The following UBXN2B variants were observed in gnomAD, a reference collection of about 807,000 sequenced individuals.
UBXN2B encodes the protein UBX domain protein 2B.
Under a neutral mutation model 37.5 loss-of-function variants are expected in UBXN2B, and 19 were observed. The ratio of observed to expected loss-of-function variants is 0.51; its 90% confidence interval spans 0.35 to 0.74. UBXN2B has a LOEUF of 0.74. Ranked by LOEUF, UBXN2B falls within the 30% of genes least tolerant of loss-of-function variation. The probability of loss-of-function intolerance (pLI) is 0.01; values close to 1 mark genes in which losing one functional copy is unlikely to be tolerated. For missense variants in UBXN2B, 370 were observed against 393.2 expected (o/e 0.94, Z 0.50); for synonymous variants, 145 against 143.8 (o/e 1.01, Z -0.06).
chr8:58,443,149 C>G (rs1808590349), intron 6 of UBXN2B, among the ~76,000 whole-genome samples: 1 of 152,174 alleles, frequency 6.6e-6, no homozygotes, highest in African/African-American at 2.4e-5. Context: ...CGACCCCTGC[C>G]CCTCACTCTC....
chr8:58,440,978 C>G (rs1374723121), intron 6 of UBXN2B, among the ~76,000 whole-genome samples: 1 of 150,870 alleles, frequency 6.6e-6, no homozygotes, highest in East Asian at 1.9e-4. Flanking sequence ...CTTTACACGT[C>G]AGGCTTCTCT....
intron 6 of UBXN2B, 89 bp from the exon 7 acceptor site, chr8:58,445,816 CAA>C (rs1348449279): frequency 8.6e-7 from 1 of 1,156,722 alleles, no homozygotes; most frequent in Non-Finnish European, 1.2e-6. Flanking sequence ...ATAGGAGACT[CAA>C]ATGAAGCCAT....
At chr8:58,443,978 G>A (rs1233460125) in intron 6 of UBXN2B, among the ~76,000 whole-genome samples, 1 of 152,132 alleles carries the variant, frequency 6.6e-6, no homozygotes, top group Non-Finnish European at 1.5e-5. Context: ...CCTAAATTAT[G>A]TTGGAAGTCC....
intron 2 of UBXN2B, among the ~76,000 whole-genome samples, chr8:58,417,589 G>A (rs1161612407): frequency 6.6e-6 from 1 of 152,172 alleles, no homozygotes; most frequent in Non-Finnish European, 1.5e-5. Flanking sequence ...ATTGCTGTGA[G>A]TTTTCTTGTT....
chr8:58,423,743 G>GT (rs35749261), intron 2 of UBXN2B, among the ~76,000 whole-genome samples: 37,809 of 147,332 alleles, frequency 0.26, 5,417 homozygotes, highest in Admixed American at 0.44. Flanking sequence ...CCGGGGATGG[G>GT]TTTTTTTTTT....
chr8:58,411,522 G>A, intron 1 of UBXN2B, 53 bp downstream of exon 1: 1 of 1,229,752 alleles, frequency 8.1e-7, no homozygotes. Context: ...GGCTGGTGAC[G>A]GCGCGGGCTG....
intron 2 of UBXN2B, among the ~76,000 whole-genome samples, chr8:58,427,381 T>A (rs530775061): frequency 1.3e-5 from 2 of 152,296 alleles, no homozygotes; most frequent in African/African-American, 2.4e-5. Context: ...CAGGATAGCT[T>A]GAGTCCAAGA....
At chr8:58,416,425 T>G (rs1257105934) in intron 1 of UBXN2B, among the ~76,000 whole-genome samples, 1 of 152,124 alleles carries the variant, frequency 6.6e-6, no homozygotes, top group South Asian at 2.1e-4. Flanking sequence ...TGAAATTGTT[T>G]TATATGCTTG....
At chr8:58,431,109 C>A (rs974113833) in intron 3 of UBXN2B, among the ~76,000 whole-genome samples, 1 of 152,228 alleles carries the variant, frequency 6.6e-6, no homozygotes, top group Non-Finnish European at 1.5e-5. Context: ...TTTGCACTCA[C>A]ACCCACCCCG....
chr8:58,417,808 A>G (rs1807823363), intron 2 of UBXN2B, among the ~76,000 whole-genome samples: 3 of 152,184 alleles, frequency 2.0e-5, no homozygotes, highest in Admixed American at 2.0e-4. Context: ...TTGTGCACGC[A>G]TGTATTCTCT....
chr8:58,420,003 G>A (rs765773427), intron 2 of UBXN2B, among the ~76,000 whole-genome samples: 3 of 152,250 alleles, frequency 2.0e-5, no homozygotes, highest in Non-Finnish European at 4.4e-5. Flanking sequence ...TATGTAGCCA[G>A]TTGCGGATAC....
At chr8:58,418,351 C>T (rs997146056) in intron 2 of UBXN2B, among the ~76,000 whole-genome samples, 4 of 151,316 alleles carry the variant, frequency 2.6e-5, no homozygotes, top group African/African-American at 9.7e-5. Flanking sequence ...TAGGATTCAA[C>T]TGAGGACATT....
chr8:58,450,709 A>G lies in UBXN2B; in HGVS notation c.*3158A>G, dbSNP rs747791892. 33 of 152,340 alleles carry G rather than the reference A, an allele frequency of 2.2e-4. No individual in the cohort carries two copies. The highest frequency in any genetic ancestry group is 6.7e-4 in the African/African-American group (28 of 41,588). The allele number at this position is 152,340 out of a possible 1,614,324, so 9.4% of individuals were successfully genotyped here. ...TGTTACAGCAGCACCTCAAGTACCTAGAAAACTCTTTTATGCCTGCTTCTC... is the reference window on the plus strand; with the variant it reads ...TGTTACAGCAGCACCTCAAGTACCTGGAAAACTCTTTTATGCCTGCTTCTC... On this transcript the variant is annotated 3_prime_UTR_variant, in exon 8 of 8. Transcript: ENST00000399598.
chr8:58,450,720 T>G lies in UBXN2B; in HGVS notation c.*3169T>G, dbSNP rs1180790079. ...CACCTCAAGTACCTAGAAAACTCTT[T>G]TATGCCTGCTTCTCTGCCAGATGAC... is the stretch of plus-strand genomic sequence containing the variant. On this transcript the variant is annotated 3_prime_UTR_variant, in exon 8 of 8. Coordinates refer to ENST00000399598, the MANE Select transcript of UBXN2B (RefSeq NM_001077619.2). 6.6e-6 allele frequency: 1 copy of G among 152,070 alleles called. No individual in the cohort carries two copies. The highest frequency in any genetic ancestry group is 1.5e-5 in the Non-Finnish European group (1 of 68,040). 9.4% of individuals were successfully genotyped at this position (152,070 alleles called of 1,614,324 possible). A position where few individuals can be genotyped will look rare whatever the true frequency, so the allele number is the denominator to read the frequency against.
chr8:58,439,364 TA>T (rs1445544096), intron 5 of UBXN2B, among the ~76,000 whole-genome samples: 1 of 152,178 alleles, frequency 6.6e-6, no homozygotes. Flanking sequence ...ATTGCTGTCT[TA>T]AAATTTAACT....
rs1264531907 is a variant in UBXN2B at position 58,447,605 on chromosome 8, TAA to T, written c.*55_*56del. On this transcript the variant is annotated 3_prime_UTR_variant, in exon 8 of 8. Transcript: ENST00000399598. ...GGGAATAGATGATGTGCCGTATTAA[TAA>T]GGACAATACTTCAGCATTAAAAACA... The T allele has an allele frequency of 6.8e-7, 1 of 1,473,312 alleles. No individual in the cohort carries two copies. Among genetic ancestry groups the T allele is most frequent in the Non-Finnish European group, 9.1e-7 (1 of 1,097,066 alleles). The allele number at this position is 1,473,312 out of a possible 1,614,324, so 91.3% of individuals were successfully genotyped here. A position where few individuals can be genotyped will look rare whatever the true frequency, so the allele number is the denominator to read the frequency against.
rs753203604 is a variant in UBXN2B, at chr8:58,439,621, C to A, written c.534-12C>A. On this transcript the variant is annotated splice_polypyrimidine_tract_variant and intron_variant, in intron 5 of 7. Transcript: ENST00000399598. ...AAACTTAATGATAACTTTTTTCCCC[C>A]CTTTTTAAAAGAGAGATTCCCCTGG... 15 of 1,584,520 alleles carry A rather than the reference C, an allele frequency of 9.5e-6. No individual in the cohort carries two copies. The highest frequency in any genetic ancestry group is 1.2e-5 in the Non-Finnish European group (14 of 1,171,970).
chr8:58,437,512 G>A (rs891561856), intron 5 of UBXN2B, among the ~76,000 whole-genome samples: 1 of 151,746 alleles, frequency 6.6e-6, no homozygotes, highest in Non-Finnish European at 1.5e-5. Flanking sequence ...ATTTAGTAGA[G>A]ATGGGTTTCA....
intron 2 of UBXN2B, among the ~76,000 whole-genome samples, chr8:58,423,432 TTTG>T (rs1216626265): frequency 6.6e-6 from 1 of 151,128 alleles, no homozygotes; most frequent in African/African-American, 2.4e-5. Flanking sequence ...GGGTTTTTTT[TTTG>T]TTGTTGTTTT....
Sources: gnomAD v4.1 joint callset for allele counts (sites outside exome capture counted in the v4.1 genomes callset) on GRCh38, gnomAD v4.1.1 for gene constraint, MANE v1.5 for transcripts, NCBI Gene and HGNC (gene_info 2026-07-23, HGNC 2026-07-21) for gene names.